GAB2: variants seen among roughly 807,000 people sequenced by gnomAD.
GAB2 encodes GRB2-associated-binding protein 2.
Under a neutral mutation model 65.5 loss-of-function variants are expected in GAB2, and 26 were observed. The observed-to-expected ratio is 0.40, with a 90% confidence interval of 0.29 to 0.55. The LOEUF (loss-of-function observed/expected upper bound fraction) is 0.55, where lower values mean the gene tolerates loss of function less well. GAB2 is among the 20% of genes least tolerant of loss of function. The pLI is 0.53. For synonymous variants in GAB2, 321 were observed against 329.6 expected (o/e 0.97, Z 0.28); for missense variants, 884 against 875.8 (o/e 1.01, Z -0.12).
chr11:78,355,658 C>G (rs1300980646), intron 1 of GAB2, among the ~76,000 whole-genome samples: 4 of 93,144 alleles, frequency 4.3e-5, no homozygotes, highest in African/African-American at 1.1e-4. Context: ...GCCTGGGAAA[C>G]AGAGAGAGAC....
chr11:78,309,926 A>ATGTGTGTGTGTGTGTGTG (rs60718900), intron 1 of GAB2, among the ~76,000 whole-genome samples: 10 of 135,688 alleles, frequency 7.4e-5, no homozygotes, highest in African/African-American at 2.4e-4. Context: ...AGGGTTAGAA[A>ATGTGTGTGTGTGTGTGTG]TGTGTGTGTG....
At chr11:78,386,215 T>G (rs1167383914) in intron 1 of GAB2, among the ~76,000 whole-genome samples, 1 of 152,220 alleles carries the variant, frequency 6.6e-6, no homozygotes, top group Admixed American at 6.5e-5. Context: ...CAGGGAACTT[T>G]ATAACAGAAA....
intron 3 of GAB2, among the ~76,000 whole-genome samples, chr11:78,230,115 A>T (rs1250234582): frequency 1.3e-5 from 2 of 152,260 alleles, no homozygotes; most frequent in Admixed American, 1.3e-4. Flanking sequence ...TGCTTGTTGC[A>T]TTATAAATAA....
At chr11:78,221,926 G>A in intron 7 of GAB2, 147 bp from the exon 8 acceptor site, 1 of 682,090 alleles carries the variant, frequency 1.5e-6, no homozygotes, top group South Asian at 1.8e-5. Context: ...ATATAGGGCA[G>A]GTATAATTAT....
chr11:78,228,190 G>A (rs922182735), intron 3 of GAB2, among the ~76,000 whole-genome samples: 4 of 152,118 alleles, frequency 2.6e-5, no homozygotes, highest in Non-Finnish European at 5.9e-5. Context: ...CAAGCCCTTC[G>A]TTTCACAAGA....
At chr11:78,243,669 T>C (rs1204526694) in intron 3 of GAB2, among the ~76,000 whole-genome samples, 2 of 149,634 alleles carry the variant, frequency 1.3e-5, no homozygotes. Flanking sequence ...TGAAACCCTG[T>C]CTCTACTAAA....
chr11:78,345,173 C>T (rs969139563), intron 1 of GAB2, among the ~76,000 whole-genome samples: 4 of 152,022 alleles, frequency 2.6e-5, no homozygotes, highest in East Asian at 1.9e-4. Flanking sequence ...CCAGCTACTT[C>T]GAAGCTGAGG....
chr11:78,290,870 A>C (rs967410092), intron 1 of GAB2, among the ~76,000 whole-genome samples: 1 of 152,182 alleles, frequency 6.6e-6, no homozygotes, highest in African/African-American at 2.4e-5. Context: ...TGGAAACTGG[A>C]GAATACTCAA....
At chr11:78,368,740 A>G (rs752414517) in intron 1 of GAB2, among the ~76,000 whole-genome samples, 2 of 151,954 alleles carry the variant, frequency 1.3e-5, no homozygotes, top group Non-Finnish European at 2.9e-5. Context: ...AATAAACTCT[A>G]TAGGTTTAAA....
intron 1 of GAB2, among the ~76,000 whole-genome samples, chr11:78,322,768 C>T (rs748800808): frequency 2.1e-4 from 31 of 149,408 alleles, no homozygotes; most frequent in Non-Finnish European, 3.4e-4. Flanking sequence ...GACCATCTCA[C>T]ACCACTCAGA....
chr11:78,321,762 C>T (rs1237798362), intron 1 of GAB2, among the ~76,000 whole-genome samples: 1 of 151,944 alleles, frequency 6.6e-6, no homozygotes, highest in Non-Finnish European at 1.5e-5. Flanking sequence ...GCTATTGTAA[C>T]CAACACAGCA....
rs984307263 is a variant in GAB2, at chr11:78,280,865, G to C, written c.112C>G (p.Arg38Gly). ...KKRWFILRSG[R>G]MSGDPDVLEY... ...AGAACATCTGGGTCACCGCTCATCC[G>C]GCCACTCCGCAGGATAAACCAGCGT... The change falls in exon 2 of 10, where the codon CGG becomes GGG. Residue 38 changes from arginine to glycine, a missense_variant. By Grantham distance (125) the Arg-to-Gly change is moderately radical. Transcript: ENST00000361507. The C allele has an allele frequency of 6.2e-7, 1 of 1,613,910 alleles. No homozygotes were observed. The highest frequency in any genetic ancestry group is 8.5e-7 in the Non-Finnish European group (1 of 1,179,926).
intron 2 of GAB2, among the ~76,000 whole-genome samples, chr11:78,276,389 G>A (rs544318694): frequency 1.3e-5 from 2 of 152,194 alleles, no homozygotes; most frequent in South Asian, 2.1e-4. Context: ...TGGATTACAG[G>A]CTAGGAAATA....
intron 3 of GAB2, among the ~76,000 whole-genome samples, chr11:78,243,279 C>A (rs1391774077): frequency 6.6e-6 from 1 of 151,802 alleles, no homozygotes; most frequent in Non-Finnish European, 1.5e-5. Flanking sequence ...ACCAACCTGG[C>A]CAACATGGCA....
chr11:78,340,700 A>T (rs890385496), intron 1 of GAB2, among the ~76,000 whole-genome samples: 1 of 152,124 alleles, frequency 6.6e-6, no homozygotes, highest in African/African-American at 2.4e-5. Flanking sequence ...AAGGAAGAAA[A>T]CAAAGTATTT....
rs1217757969 is a variant in GAB2 at position 78,215,330 on chromosome 11, T to TCCAACACCACAGTA, written c.*3928_*3941dup. 1 of 152,512 alleles carries TCCAACACCACAGTA rather than the reference T, an allele frequency of 6.6e-6. No homozygotes were observed. Among genetic ancestry groups the TCCAACACCACAGTA allele is most frequent in the Non-Finnish European group, 1.5e-5 (1 of 68,032 alleles). The allele number at this position is 152,512 out of a possible 1,614,324, so 9.4% of individuals were successfully genotyped here. A position where few individuals can be genotyped will look rare whatever the true frequency, so the allele number is the denominator to read the frequency against. ...TTTCTAGTGGACTTTATTGTCCTGC[T>TCCAACACCACAGTA]CCAACACCACAGTAGAAAGGGACCT... On this transcript the variant is annotated 3_prime_UTR_variant, in exon 10 of 10. Coordinates refer to ENST00000361507, the MANE Select transcript of GAB2 (RefSeq NM_080491.3).
intron 1 of GAB2, 102 bp from the exon 2 acceptor site, chr11:78,281,003 G>C (rs1473491967): frequency 2.2e-6 from 2 of 894,378 alleles, no homozygotes; most frequent in Non-Finnish European, 3.5e-6. Flanking sequence ...GCCCAGGCTG[G>C]AGTGCAGTGG....
chr11:78,259,827 T>A (rs1348672744), intron 2 of GAB2, among the ~76,000 whole-genome samples: 1 of 152,178 alleles, frequency 6.6e-6, no homozygotes, highest in Non-Finnish European at 1.5e-5. Flanking sequence ...AAATGAACCC[T>A]GGAATAAGAA....
chr11:78,401,048 T>A (rs1591089240), intron 1 of GAB2, among the ~76,000 whole-genome samples: 4 of 151,934 alleles, frequency 2.6e-5, no homozygotes, highest in Admixed American at 2.6e-4. Context: ...GGAGATTCCA[T>A]CCTGTCTTTT....
Sources: allele counts gnomAD v4.1 joint callset (sites outside exome capture counted in the v4.1 genomes callset), GRCh38; gene constraint gnomAD v4.1.1; transcripts MANE v1.5; gene names NCBI Gene and HGNC (gene_info 2026-07-23, HGNC 2026-07-21).